DLGAP2: variants seen among roughly 807,000 people sequenced by gnomAD.
DLGAP2 encodes the protein disks large-associated protein 2.
In DLGAP2, 26 loss-of-function variants were observed where a neutral mutation model predicts 100.3. The ratio of observed to expected loss-of-function variants is 0.26; its 90% confidence interval spans 0.19 to 0.36. The LOEUF is 0.36. DLGAP2 is among the 10% of genes least tolerant of loss of function. The pLI is 1.00. For missense variants in DLGAP2, 1,858 were observed against 1,453.2 expected, an observed-to-expected ratio of 1.28 and a Z score of -4.53; for synonymous variants, 886 against 630.1, an observed-to-expected ratio of 1.41 and a Z score of -6.08.
At chr8:1,498,371 A>AAAAT (rs1799611313) in intron 3 of DLGAP2, among the ~76,000 whole-genome samples, 1 of 100,282 alleles carries the variant, frequency 1.0e-5, no homozygotes, top group African/African-American at 2.9e-5. Context: ...AAGATACGGC[A>AAAAT]AAATAAATAA....
intron 1 of DLGAP2, among the ~76,000 whole-genome samples, chr8:900,106 G>A (rs1044068305): frequency 4.7e-5 from 7 of 148,634 alleles, no homozygotes; most frequent in African/African-American, 1.7e-4. Flanking sequence ...ATGGTGGGCG[G>A]CCTCCTCTTC....
rs150531020 is a variant in DLGAP2, at chr8:1,039,010, T to C, written c.73+131044T>C. Among the ~76,000 whole-genome samples, 90 of 152,364 alleles carry C rather than the reference T, an allele frequency of 5.9e-4. 2 individuals are homozygous for C. The Middle Eastern group carries it at 0.014, about 23-fold the overall frequency. The stretch of plus-strand genomic sequence containing the variant: ...ATAGCCTGTTAGAAAGATTTTAGGA[T>C]GCAGTTGATTTCTGTAATTTTTCGG... On this transcript the variant is annotated intron_variant, in intron 2 of 14. Transcript: ENST00000637795.
intron 2 of DLGAP2, among the ~76,000 whole-genome samples, chr8:999,120 C>A (rs897058365): frequency 6.6e-6 from 1 of 152,066 alleles, no homozygotes; most frequent in African/African-American, 2.4e-5. Context: ...CTAGTTAGGA[C>A]ATTTTCTGAT....
chr8:1,633,183 GT>G, intron 8 of DLGAP2, 137 bp downstream of exon 8: 1 of 761,754 alleles, frequency 1.3e-6, no homozygotes, highest in East Asian at 2.7e-5. Flanking sequence ...CTAATTGCAT[GT>G]GTTACACTGT....
At chr8:1,075,758 G>T (rs1803585627) in intron 2 of DLGAP2, among the ~76,000 whole-genome samples, 1 of 152,046 alleles carries the variant, frequency 6.6e-6, no homozygotes, top group Admixed American at 6.5e-5. Flanking sequence ...GTGATGAGCA[G>T]ATGGTTCTTT....
chr8:1,379,965 T>C (rs1250326407), intron 3 of DLGAP2, among the ~76,000 whole-genome samples: 1 of 151,350 alleles, frequency 6.6e-6, no homozygotes, highest in Non-Finnish European at 1.5e-5. Flanking sequence ...GGTGGGGGCC[T>C]GCTCTTTTGG....
intron 2 of DLGAP2, among the ~76,000 whole-genome samples, chr8:988,630 C>A (rs1271118639): frequency 6.6e-6 from 1 of 152,132 alleles, no homozygotes; most frequent in Non-Finnish European, 1.5e-5. Context: ...CCCACGTGGA[C>A]CTTCTCTCCT....
chr8:1,172,370 G>A (rs1330192545), intron 2 of DLGAP2, among the ~76,000 whole-genome samples: 1 of 151,604 alleles, frequency 6.6e-6, no homozygotes, highest in Non-Finnish European at 1.5e-5. Context: ...TCTTGGAGTT[G>A]CTCTTCTCGA....
chr8:750,998 G>C (rs1469427789), intron 1 of DLGAP2, among the ~76,000 whole-genome samples: 1 of 152,260 alleles, frequency 6.6e-6, no homozygotes, highest in Non-Finnish European at 1.5e-5. Flanking sequence ...TCAGCAAACA[G>C]GTGTCGGTAG....
intron 4 of DLGAP2, among the ~76,000 whole-genome samples, chr8:1,512,719 G>A (rs1388385011): frequency 6.6e-6 from 1 of 152,262 alleles, no homozygotes; most frequent in Non-Finnish European, 1.5e-5. Context: ...CCAGCTCGCT[G>A]TGTCCATGGA....
intron 2 of DLGAP2, among the ~76,000 whole-genome samples, chr8:1,058,727 C>A (rs1031073431): frequency 6.6e-6 from 1 of 152,100 alleles, no homozygotes; most frequent in Non-Finnish European, 1.5e-5. Context: ...GACAGATTGG[C>A]CTTATATTAT....
chr8:942,212 G>T (rs1377590759), intron 2 of DLGAP2, among the ~76,000 whole-genome samples: 1 of 152,196 alleles, frequency 6.6e-6, no homozygotes, highest in Non-Finnish European at 1.5e-5. Flanking sequence ...GCCTTCCAAA[G>T]TGCTGGGATT....
chr8:1,322,801 A>T (rs1433044122), intron 3 of DLGAP2, among the ~76,000 whole-genome samples: 1 of 152,234 alleles, frequency 6.6e-6, no homozygotes, highest in African/African-American at 2.4e-5. Context: ...TTCTCTGATA[A>T]GCCGAGTTAA....
At chr8:1,482,648 G>C (rs968173252) in intron 3 of DLGAP2, among the ~76,000 whole-genome samples, 4 of 152,198 alleles carry the variant, frequency 2.6e-5, no homozygotes, top group Non-Finnish European at 5.9e-5. Flanking sequence ...CCCTCCCCAC[G>C]GTTTCCGGGA....
rs534683105 is a variant in DLGAP2 at position 899,763 on chromosome 8, G to A, written c.19-8149G>A. Among the ~76,000 whole-genome samples, 23 of 152,328 alleles carry A rather than the reference G, an allele frequency of 1.5e-4. 1 individual carries two copies. The highest frequency in any genetic ancestry group is 4.6e-4 in the African/African-American group (19 of 41,576). ...AAGAATTAATTGAGTATATATTAATGTTCTTGACACTCTAAAGCGTGTATT... is the reference window on the plus strand; with the variant it reads ...AAGAATTAATTGAGTATATATTAATATTCTTGACACTCTAAAGCGTGTATT... On this transcript the variant is annotated intron_variant, in intron 1 of 14. Transcript: ENST00000637795.
At chr8:908,658 C>T (rs1798426857) in intron 2 of DLGAP2, among the ~76,000 whole-genome samples, 1 of 152,158 alleles carries the variant, frequency 6.6e-6, no homozygotes, top group Non-Finnish European at 1.5e-5. Flanking sequence ...TATGGATCTG[C>T]ATTTTTGTTT....
chr8:912,433 G>A (rs1203666557), intron 2 of DLGAP2, among the ~76,000 whole-genome samples: 4 of 152,174 alleles, frequency 2.6e-5, no homozygotes, highest in Admixed American at 6.5e-5. Flanking sequence ...GTGCTGGTCC[G>A]CGTTTATCAA....
intron 2 of DLGAP2, among the ~76,000 whole-genome samples, chr8:1,183,646 C>G (rs1475803240): frequency 6.6e-6 from 1 of 152,194 alleles, no homozygotes; most frequent in African/African-American, 2.4e-5. Flanking sequence ...TGAGTAAGTC[C>G]ACAGGGCAGG....
At chr8:744,320 T>C (rs1820561063) in intron 1 of DLGAP2, among the ~76,000 whole-genome samples, 1 of 152,144 alleles carries the variant, frequency 6.6e-6, no homozygotes, top group Admixed American at 6.5e-5. Flanking sequence ...ACTTTCCTTG[T>C]CTTTGATGTA....
Sources: gnomAD v4.1 joint callset for allele counts (sites outside exome capture counted in the v4.1 genomes callset) on GRCh38, gnomAD v4.1.1 for gene constraint, MANE v1.5 for transcripts, NCBI Gene and HGNC (gene_info 2026-07-23, HGNC 2026-07-21) for gene names.